GK5: variants seen among roughly 807,000 people sequenced by gnomAD.
GK5 encodes the protein ATP:glycerol 3-phosphotransferase 5.
A neutral mutation model predicts 77.3 loss-of-function variants in GK5; 39 were observed. The observed-to-expected ratio is 0.50, with a 90% confidence interval of 0.39 to 0.66. The LOEUF is 0.66. GK5 is among the 30% of genes least tolerant of loss of function. GK5 has a pLI of 0.00. For missense variants in GK5, 487 were observed against 633.8 expected, an observed-to-expected ratio of 0.77 and a Z score of 2.49; for synonymous variants, 211 against 208.0, an observed-to-expected ratio of 1.01 and a Z score of -0.13.
At chr3:142,179,932 T>A (rs1339772870) in intron 11 of GK5, among the ~76,000 whole-genome samples, 4 of 152,202 alleles carry the variant, frequency 2.6e-5, no homozygotes, top group African/African-American at 9.6e-5. Context: ...AGGACTCAGA[T>A]CTGTACACTG....
chr3:142,162,210 A>G lies in GK5; in HGVS notation c.*3412T>C, dbSNP rs2063430843. 1 of 152,242 alleles carries G rather than the reference A, an allele frequency of 6.6e-6. No homozygotes were observed. The highest frequency in any genetic ancestry group is 1.5e-5 in the Non-Finnish European group (1 of 68,042). The allele number at this position is 152,242 out of a possible 1,614,324, so 9.4% of individuals were successfully genotyped here. On this transcript the variant is annotated 3_prime_UTR_variant, in exon 16 of 16. Coordinates refer to ENST00000392993, the MANE Select transcript of GK5 (RefSeq NM_001039547.3). The stretch of plus-strand genomic sequence containing the variant: ...ATTTCCTAAGGTAAAATGAGGCAGA[A>G]AGAAAAGGAGTATGACACTATATTC...
intron 3 of GK5, among the ~76,000 whole-genome samples, chr3:142,212,799 T>C (rs2064206428): frequency 6.6e-6 from 1 of 150,884 alleles, no homozygotes; most frequent in South Asian, 2.1e-4. Flanking sequence ...TTAGAGTATA[T>C]ATGCCTCATA....
rs763186803 is a variant in GK5, at chr3:142,204,791, A to G, written c.318-3T>C. On this transcript the variant is annotated splice_region_variant and splice_polypyrimidine_tract_variant and intron_variant, in intron 3 of 15. Coordinates refer to ENST00000392993, the MANE Select transcript of GK5 (RefSeq NM_001039547.3). ...TGTGAAAATGATTTCCTGTTTTCCT[A>G]GAAAGAATAAAACAGTATTTTGAGA... is the stretch of plus-strand genomic sequence containing the variant. 1 of 1,498,306 alleles carries G rather than the reference A, an allele frequency of 6.7e-7. No individual in the cohort carries two copies. The highest frequency in any genetic ancestry group is 1.2e-5 in the South Asian group (1 of 84,468). The allele number at this position is 1,498,306 out of a possible 1,614,324, so 92.8% of individuals were successfully genotyped here. A position where few individuals can be genotyped will look rare whatever the true frequency, so the allele number is the denominator to read the frequency against.
chr3:142,170,517 G>C, intron 14 of GK5, 59 bp from the exon 15 acceptor site: 1 of 1,399,348 alleles, frequency 7.1e-7, no homozygotes, highest in Admixed American at 2.2e-5. Context: ...TTCTTTTTCA[G>C]TGGGCCACAT....
At chr3:142,182,241 T>C (rs760185794) in intron 10 of GK5, among the ~76,000 whole-genome samples, 1 of 152,140 alleles carries the variant, frequency 6.6e-6, no homozygotes, top group Non-Finnish European at 1.5e-5. Flanking sequence ...TTCTTAGCAA[T>C]TGTCATTATC....
At chr3:142,173,896 T>A (rs2063574755) in intron 12 of GK5, among the ~76,000 whole-genome samples, 1 of 152,032 alleles carries the variant, frequency 6.6e-6, no homozygotes, top group Non-Finnish European at 1.5e-5. Flanking sequence ...TGACACATCA[T>A]CCCTTTACCT....
intron 5 of GK5, among the ~76,000 whole-genome samples, chr3:142,193,710 T>C (rs2063888093): frequency 6.6e-6 from 1 of 152,168 alleles, no homozygotes; most frequent in South Asian, 2.1e-4. Context: ...TTTTATTCTT[T>C]TTGATGTTTT....
At chr3:142,168,267 CGTGAA>C (rs2063496170) in intron 15 of GK5, among the ~76,000 whole-genome samples, 1 of 151,912 alleles carries the variant, frequency 6.6e-6, no homozygotes, top group Non-Finnish European at 1.5e-5. Context: ...CAATCAGGCA[CGTGAA>C]AGTAATAAGA....
chr3:142,172,337 G>T lies in GK5; in HGVS notation c.1247+16C>A. ...TATTCTATGGGGAAGGGGAAGTTTA[G>T]GGCAGGTTTTCATACCTGAAAGCTA... On this transcript the variant is annotated intron_variant, in intron 13 of 15. Coordinates refer to ENST00000392993, the MANE Select transcript of GK5 (RefSeq NM_001039547.3). 7.8e-7 allele frequency: 1 copy of T among 1,288,740 alleles called. No homozygotes were observed. Among genetic ancestry groups the T allele is most frequent in the Non-Finnish European group, 1.1e-6 (1 of 895,648 alleles). 79.8% of individuals were successfully genotyped at this position (1,288,740 alleles called of 1,614,324 possible).
intron 15 of GK5, among the ~76,000 whole-genome samples, chr3:142,169,147 A>G (rs1356839966): frequency 2.0e-5 from 3 of 152,216 alleles, no homozygotes; most frequent in Non-Finnish European, 4.4e-5. Flanking sequence ...GTCATGTAGC[A>G]GGTGCTCCAC....
At position 142,162,663 on chromosome 3, in the gene GK5, A is replaced by T. The variant is rs2063434314; in HGVS notation, c.*2959T>A. On this transcript the variant is annotated 3_prime_UTR_variant, in exon 16 of 16. Coordinates refer to ENST00000392993, the MANE Select transcript of GK5 (RefSeq NM_001039547.3). ...TGAGAAGTAGCACAAATTTTTCTAAACTTCAAATATTAGCATACAAATGAA... is the reference window on the plus strand; with the variant it reads ...TGAGAAGTAGCACAAATTTTTCTAATCTTCAAATATTAGCATACAAATGAA... The T allele has an allele frequency of 6.6e-6, 1 of 152,128 alleles. No homozygotes were observed. Among genetic ancestry groups the T allele is most frequent in the Admixed American group, 6.5e-5 (1 of 15,274 alleles). 9.4% of individuals were successfully genotyped at this position (152,128 alleles called of 1,614,324 possible). A position where few individuals can be genotyped will look rare whatever the true frequency, so the allele number is the denominator to read the frequency against.
chr3:142,191,885 T>A (rs2063856628), intron 5 of GK5, among the ~76,000 whole-genome samples: 2 of 151,982 alleles, frequency 1.3e-5, no homozygotes, highest in Non-Finnish European at 2.9e-5. Flanking sequence ...TAGTCCCAGT[T>A]ACTCAGGAGG....
Position 142,170,454 on chromosome 3 carries a change from C to T in GK5, c.1312G>A (p.Asp438Asn), listed in dbSNP as rs1232065947. The T allele has an allele frequency of 1.2e-6, 2 of 1,611,888 alleles. No individual in the cohort carries two copies. ...AAACCATTCTTACAAACTCCTCCAT[C>T]TGCCCTGTGGGGAACAAAATATGTA... ...IHIPVRKIRA[D>N]GGVCKNGFVM... The change falls in exon 15 of 16, where the codon GAT becomes AAT. Residue 438 changes from aspartate (D) to asparagine (N), a missense_variant. Asp to Asn is a conservative substitution (Grantham distance 23). Transcript: ENST00000392993.
rs1193739244 is a variant in GK5, at chr3:142,159,119, G to C, written c.*6503C>G. The C allele has an allele frequency of 6.6e-6, 1 of 152,172 alleles. No homozygotes were observed. The highest frequency in any genetic ancestry group is 1.5e-5 in the Non-Finnish European group (1 of 68,028). 9.4% of individuals were successfully genotyped at this position (152,172 alleles called of 1,614,324 possible). A position where few individuals can be genotyped will look rare whatever the true frequency, so the allele number is the denominator to read the frequency against. ...CAGCCTCGAACTCCTGGGCTCAAGT[G>C]ATCCTCCTGCCTCAATTGGCAAATG... On this transcript the variant is annotated 3_prime_UTR_variant, in exon 16 of 16. Transcript: ENST00000392993.
chr3:142,225,227 T>C, intron 1 of GK5, 82 bp downstream of exon 1: 1 of 1,398,070 alleles, frequency 7.2e-7, no homozygotes, highest in Non-Finnish European at 9.4e-7. Context: ...AGGTGGGGCC[T>C]GCCCGCTCGC....
chr3:142,206,283 T>C lies in GK5; in HGVS notation c.318-1495A>G, dbSNP rs555845642. ...ATTTTTTTAGGTATATACCTAGAAG[T>C]GGAACTGCTGGGTCATATAGTAATT... On this transcript the variant is annotated intron_variant, in intron 3 of 15. Transcript: ENST00000392993. Among the ~76,000 whole-genome samples, 5 of 152,342 alleles carry C rather than the reference T, an allele frequency of 3.3e-5. No individual in the cohort carries two copies. The South Asian group carries it at 6.2e-4, about 19-fold the overall frequency.
intron 6 of GK5, among the ~76,000 whole-genome samples, chr3:142,187,099 C>T (rs1219531479): frequency 6.6e-6 from 1 of 152,122 alleles, no homozygotes; most frequent in Non-Finnish European, 1.5e-5. Context: ...TAGTTATACC[C>T]ACTAGCAAAA....
intron 12 of GK5, among the ~76,000 whole-genome samples, chr3:142,173,844 A>G (rs2063573893): frequency 6.6e-6 from 1 of 152,190 alleles, no homozygotes. Flanking sequence ...GCTGTCAGGA[A>G]ATTATGATCC....
At chr3:142,224,389 T>A (rs976912254) in intron 1 of GK5, among the ~76,000 whole-genome samples, 2 of 152,098 alleles carry the variant, frequency 1.3e-5, no homozygotes, top group Admixed American at 6.6e-5. Flanking sequence ...CCAGCCTGGG[T>A]GACAAAGTGA....
Sources: gnomAD v4.1 joint callset for allele counts (sites outside exome capture counted in the v4.1 genomes callset) on GRCh38, gnomAD v4.1.1 for gene constraint, MANE v1.5 for transcripts, NCBI Gene and HGNC (gene_info 2026-07-23, HGNC 2026-07-21) for gene names.